Variants in MTFMT observed in about 807,000 individuals in gnomAD.
MTFMT encodes the protein methionyl-tRNA formyltransferase, mitochondrial.
Under a neutral mutation model 51.8 loss-of-function variants are expected in MTFMT, and 47 were observed. The ratio of observed to expected loss-of-function variants is 0.91; its 90% CI spans 0.72 to 1.16. The LOEUF is 1.16. Among genes scored for constraint, MTFMT ranks in the 50% most tolerant of loss-of-function variants. The pLI is 0.00. For synonymous variants in MTFMT, 196 were observed against 176.7 expected (o/e 1.11, Z -0.87); for missense variants, 512 against 482.3 (o/e 1.06, Z -0.58).
chr15:65,009,798 T>G (rs1160152704), intron 6 of MTFMT, among the ~76,000 whole-genome samples: 2 of 151,926 alleles, frequency 1.3e-5, no homozygotes, highest in Admixed American at 6.6e-5. Flanking sequence ...GGACTACAGG[T>G]GCATCCCACA....
intron 1 of MTFMT, among the ~76,000 whole-genome samples, chr15:65,028,472 G>C (rs1005675363): frequency 6.6e-6 from 1 of 152,152 alleles, no homozygotes; most frequent in South Asian, 2.1e-4. Flanking sequence ...AGACGCATGT[G>C]ACAACAGCAG....
intron 2 of MTFMT, among the ~76,000 whole-genome samples, chr15:65,024,723 ATGTACAAAAAG>A (rs1488804724): frequency 3.3e-5 from 5 of 152,156 alleles, no homozygotes; most frequent in Admixed American, 2.0e-4. Context: ...CAGAGAGTTT[ATGTACAAAAAG>A]TGGGAGATAA....
chr15:65,014,991 A>G (rs967217815), intron 6 of MTFMT, among the ~76,000 whole-genome samples: 1 of 140,650 alleles, frequency 7.1e-6, no homozygotes, highest in Non-Finnish European at 1.5e-5. Context: ...ACCTGTTTCT[A>G]TAGTACCTAG....
intron 3 of MTFMT, among the ~76,000 whole-genome samples, chr15:65,022,432 GAC>G (rs2140486644): frequency 6.6e-6 from 1 of 150,918 alleles, no homozygotes; most frequent in African/African-American, 2.4e-5. Context: ...CAGCCGGGGT[GAC>G]AGAGTGAGAC....
Position 65,004,871 on chromosome 15 carries a change from GTATTTGTGA to G in MTFMT, c.949_957del (p.Ser317_Ile319del). On this transcript the variant is annotated inframe_deletion, in exon 8 of 9. Transcript: ENST00000220058. ...AAACATACCTTGCAATAAACCAATA[GTATTTGTGA>G]CTGTTTGTGGTATATTACTGATCCT... 1 of 1,604,430 alleles carries G rather than the reference GTATTTGTGA, an allele frequency of 6.2e-7. No individual in the cohort carries two copies. The highest frequency in any genetic ancestry group is 1.1e-5 in the South Asian group (1 of 89,576).
intron 2 of MTFMT, among the ~76,000 whole-genome samples, chr15:65,024,044 T>C (rs140586427): frequency 1.6e-3 from 251 of 152,324 alleles, no homozygotes; most frequent in African/African-American, 5.5e-3. Flanking sequence ...AAAGATGTTC[T>C]GTCTGGGTGT....
chr15:65,003,845 C>CAAAA (rs768884218), intron 8 of MTFMT, among the ~76,000 whole-genome samples: 785 of 40,600 alleles, frequency 0.019, 41 homozygotes, highest in Non-Finnish European at 0.026. Flanking sequence ...AACTCCATCT[C>CAAAA]AAAAAAAAAA....
chr15:65,028,152 G>A lies in MTFMT; in HGVS notation c.210-1112C>T, dbSNP rs1473349522. Reference sequence around the variant, plus strand: ...GTATCAGGATAGGCCAGGAATGATGGCTCAGGCCTGTAATCTCAGCACTTT... The same window carrying A: ...GTATCAGGATAGGCCAGGAATGATGACTCAGGCCTGTAATCTCAGCACTTT... On this transcript the variant is annotated intron_variant, in intron 1 of 8. Transcript: ENST00000220058. Among the ~76,000 whole-genome samples, 4 of 152,186 alleles carry A rather than the reference G, an allele frequency of 2.6e-5. No homozygotes were observed. The East Asian group carries it at 7.7e-4, about 29-fold the overall frequency.
At chr15:65,023,548 C>T (rs1475525492) in intron 3 of MTFMT, 124 bp downstream of exon 3, 3 of 827,420 alleles carry the variant, frequency 3.6e-6, no homozygotes, top group African/African-American at 3.4e-5. Flanking sequence ...GATATAAAAG[C>T]AGAAGAAGCA....
At chr15:65,021,975 T>G (rs2086377455) in intron 3 of MTFMT, among the ~76,000 whole-genome samples, 1 of 152,338 alleles carries the variant, frequency 6.6e-6, no homozygotes, top group African/African-American at 2.4e-5. Context: ...TACAGTTGCA[T>G]ATCAGGAATT....
At chr15:65,028,747 A>G (rs927156013) in intron 1 of MTFMT, among the ~76,000 whole-genome samples, 2 of 152,218 alleles carry the variant, frequency 1.3e-5, no homozygotes, top group Non-Finnish European at 2.9e-5. Flanking sequence ...GCCACCACAT[A>G]CCATGGACTC....
chr15:65,006,195 C>T lies in MTFMT; in HGVS notation c.814-4G>A. ...TCCAGAGCGTCTGCAACGGAATCTG[C>T]AAGTAAAATTAAAGAAGGTATGATA... On this transcript the variant is annotated splice_polypyrimidine_tract_variant and splice_region_variant and intron_variant, in intron 6 of 8. Coordinates refer to ENST00000220058, the MANE Select transcript of MTFMT (RefSeq NM_139242.4). 1 of 1,609,092 alleles carries T rather than the reference C, an allele frequency of 6.2e-7. No individual in the cohort carries two copies. The highest frequency in any genetic ancestry group is 1.7e-5 in the Admixed American group (1 of 59,882).
At chr15:65,004,035 A>C (rs2086201380) in intron 8 of MTFMT, among the ~76,000 whole-genome samples, 1 of 149,940 alleles carries the variant, frequency 6.7e-6, no homozygotes, top group East Asian at 2.0e-4. Context: ...TTTTTTTTTG[A>C]GATGGAGTTT....
At position 65,016,508 on chromosome 15, in the gene MTFMT, A is replaced by G; in HGVS notation, c.741T>C (p.Gly247=). The change falls in exon 6 of 9, where the codon GGT becomes GGC. Residue 247 remains glycine, a synonymous_variant. Transcript: ENST00000220058. Reference sequence around the variant, plus strand: ...GTTCCTCCCATTTTATACAACTGGTACCAGCAGAAATCTTAGGGGCTACAA... The same window carrying G: ...GTTCCTCCCATTTTATACAACTGGTGCCAGCAGAAATCTTAGGGGCTACAA... ...GATYAPKISA[G]TSCIKWEEQT... is the part of the protein sequence containing the mutation. 1 of 1,611,986 alleles carries G rather than the reference A, an allele frequency of 6.2e-7. No individual in the cohort carries two copies. The highest frequency in any genetic ancestry group is 1.3e-5 in the African/African-American group (1 of 74,984).
chr15:65,016,947 A>AT (rs1236219602), intron 5 of MTFMT, among the ~76,000 whole-genome samples: 1 of 151,784 alleles, frequency 6.6e-6, no homozygotes, highest in African/African-American at 2.4e-5. Flanking sequence ...TGCCTGGCTA[A>AT]TTTTTTGTAT....
At chr15:65,004,227 G>A (rs532966919) in intron 8 of MTFMT, among the ~76,000 whole-genome samples, 15 of 152,166 alleles carry the variant, frequency 9.9e-5, no homozygotes, top group Non-Finnish European at 1.9e-4. Context: ...ATGTTGGTCA[G>A]TCTGGTCTCG....
At chr15:65,006,041 G>C in intron 7 of MTFMT, 72 bp downstream of exon 7, 1 of 1,058,770 alleles carries the variant, frequency 9.4e-7, no homozygotes, top group Admixed American at 2.1e-5. Context: ...TGTGACATAT[G>C]ATAAAACAGA....
intron 4 of MTFMT, among the ~76,000 whole-genome samples, 191 bp from the exon 5 acceptor site, chr15:65,020,463 G>C (rs2086365062): frequency 6.6e-6 from 1 of 152,090 alleles, no homozygotes; most frequent in African/African-American, 2.4e-5. Context: ...TATGTGGCAG[G>C]GTAAGGTAGT....
chr15:65,019,297 G>C (rs2086350725), intron 5 of MTFMT, among the ~76,000 whole-genome samples: 1 of 152,184 alleles, frequency 6.6e-6, no homozygotes, highest in South Asian at 2.1e-4. Context: ...GGACAAAAGT[G>C]AGACTTCTCT....
Sources: allele counts gnomAD v4.1 joint callset (sites outside exome capture counted in the v4.1 genomes callset), GRCh38; gene constraint gnomAD v4.1.1; transcripts MANE v1.5; gene names NCBI Gene and HGNC (gene_info 2026-07-23, HGNC 2026-07-21).